The following ANGPTL5 variants were observed in gnomAD, a reference collection of about 807,000 sequenced individuals.
ANGPTL5 encodes angiopoietin like 5.
A neutral mutation model predicts 39.4 loss-of-function variants in ANGPTL5; 34 were observed. The ratio of observed to expected loss-of-function variants is 0.86; its 90% CI spans 0.66 to 1.15. The LOEUF is 1.15. ANGPTL5 is among the 50% of genes most tolerant of loss of function. ANGPTL5 has a pLI of 0.00. For synonymous variants in ANGPTL5, 146 were observed against 152.1 expected (o/e 0.96, Z 0.29); for missense variants, 467 against 457.5 (o/e 1.02, Z -0.19).
At chr11:101,892,587 A>G (rs982214141) in intron 8 of ANGPTL5, among the ~76,000 whole-genome samples, 12 of 152,198 alleles carry the variant, frequency 7.9e-5, no homozygotes, top group Admixed American at 6.6e-4. Context: ...ATGATTAAGT[A>G]TCTTGTCCAA....
At chr11:101,898,093 G>A (rs1939831426) in intron 7 of ANGPTL5, among the ~76,000 whole-genome samples, 1 of 152,016 alleles carries the variant, frequency 6.6e-6, no homozygotes, top group Admixed American at 6.6e-5. Flanking sequence ...CATGGAGGCA[G>A]GCACCTGTAA....
intron 7 of ANGPTL5, among the ~76,000 whole-genome samples, chr11:101,897,754 G>A (rs1230879992): frequency 5.3e-5 from 8 of 152,122 alleles, no homozygotes; most frequent in Admixed American, 6.5e-5. Flanking sequence ...TTTGGTTACT[G>A]TAGCCTTGTA....
intron 1 of ANGPTL5, among the ~76,000 whole-genome samples, chr11:101,914,035 G>A (rs1940139478): frequency 6.6e-6 from 1 of 152,218 alleles, no homozygotes; most frequent in African/African-American, 2.4e-5. Flanking sequence ...TGTCGCCAGT[G>A]TACATTCCAA....
chr11:101,898,712 T>C (rs1802726356), intron 7 of ANGPTL5, among the ~76,000 whole-genome samples: 1 of 152,210 alleles, frequency 6.6e-6, no homozygotes. Context: ...AGGGCATCCT[T>C]GTCTTGTGCT....
At chr11:101,902,570 AT>A (rs1294635958) in intron 6 of ANGPTL5, 50 bp downstream of exon 6, 1 of 1,249,672 alleles carries the variant, frequency 8.0e-7, no homozygotes, top group Non-Finnish European at 1.2e-6. Context: ...AATTGGTTGG[AT>A]GTTTATCTTA....
chr11:101,899,831 CCAATTAATGTAAAATTCTG>C (rs1169442339), intron 7 of ANGPTL5, among the ~76,000 whole-genome samples: 3 of 152,126 alleles, frequency 2.0e-5, no homozygotes, highest in Non-Finnish European at 4.4e-5. Flanking sequence ...GGCAGAAGTT[CCAATTAATGTAAAATTCTG>C]CAAAGTTCAG....
chr11:101,906,247 TAAA>T (rs1467475647), intron 3 of ANGPTL5, among the ~76,000 whole-genome samples: 1 of 152,174 alleles, frequency 6.6e-6, no homozygotes, highest in Non-Finnish European at 1.5e-5. Flanking sequence ...AAGTTAATTT[TAAA>T]AAGTACATCT....
chr11:101,904,715 G>T, intron 5 of ANGPTL5, 99 bp downstream of exon 5: 1 of 1,056,522 alleles, frequency 9.5e-7, no homozygotes, highest in Non-Finnish European at 1.5e-6. Context: ...ACGGTGAGCT[G>T]TAGTTTTTAA....
chr11:101,908,011 G>A lies in ANGPTL5; in HGVS notation c.-92-10C>T, dbSNP rs746880308. Reference sequence around the variant, plus strand: ...CTTCAGTTAAAAACCTCTGGAAAGCGTACAACAAAAACATAAGCCAAAACT... The same window carrying A: ...CTTCAGTTAAAAACCTCTGGAAAGCATACAACAAAAACATAAGCCAAAACT... On this transcript the variant is annotated splice_polypyrimidine_tract_variant and intron_variant, in intron 1 of 8. Coordinates refer to ENST00000334289, the MANE Select transcript of ANGPTL5 (RefSeq NM_178127.5). The A allele has an allele frequency of 7.1e-5, 61 of 864,292 alleles. No individual in the cohort carries two copies. The highest frequency in any genetic ancestry group is 1.1e-4 in the Non-Finnish European group (57 of 534,328). The allele number at this position is 864,292 out of a possible 1,614,324, so 53.5% of individuals were successfully genotyped here. A position where few individuals can be genotyped will look rare whatever the true frequency, so the allele number is the denominator to read the frequency against.
chr11:101,893,779 C>T (rs1939745422), intron 8 of ANGPTL5, among the ~76,000 whole-genome samples: 1 of 152,148 alleles, frequency 6.6e-6, no homozygotes, highest in Admixed American at 6.6e-5. Context: ...CACCTAATAT[C>T]ACAAGTGTAA....
chr11:101,907,824 T>G lies in ANGPTL5; in HGVS notation c.86A>C (p.His29Pro). 1.3e-6 allele frequency: 2 copies of G among 1,594,602 alleles called. No homozygotes were observed. The highest frequency in any genetic ancestry group is 2.7e-5 in the African/African-American group (2 of 74,644). Residue 29 changes from histidine (H) to proline (P), a missense_variant, in exon 2 of 9, where the codon CAT becomes CCT. Coordinates refer to ENST00000334289, the MANE Select transcript of ANGPTL5 (RefSeq NM_178127.5). ...CGEAVQGNCV[H>P]HSTDSSVVNI... ...TGCTAAAATTCTTACCGTAGAATGA[T>G]GTACACAGTTACCTTGTACAGCTTC...
In ANGPTL5 at chr11:101,905,800, G is replaced by GT. The variant is rs1565341776; in HGVS notation, c.288dup (p.Leu97ThrfsTer8). 5 of 1,612,116 alleles carry GT rather than the reference G, an allele frequency of 3.1e-6. No individual in the cohort carries two copies. The South Asian group carries it at 3.3e-5, about 11-fold the overall frequency. ...TGCTCATCCATCATATTCCTTAGTA[G>GT]TTTTTTGGTACTTCTTGTGTAGGAA... On this transcript the variant is annotated frameshift_variant, in exon 4 of 9. Transcript: ENST00000334289. LOFTEE classifies it high-confidence loss of function.
rs1284305108 is a variant in ANGPTL5, at chr11:101,907,123, T to C, written c.221A>G (p.Glu74Gly). The C allele has an allele frequency of 3.2e-6, 5 of 1,582,928 alleles. No individual in the cohort carries two copies. The South Asian group carries it at 5.6e-5, about 18-fold the overall frequency. The change falls in exon 3 of 9, where the codon GAA becomes GGA. Residue 74 changes from glutamate (E) to glycine (G), a missense_variant. Glu to Gly is a moderately conservative substitution (Grantham distance 98, BLOSUM62 -2). Transcript: ENST00000334289. The part of the protein sequence containing the change: ...SCDVKTKITR[E>G]EKHFMCRNLQ... Reference sequence around the variant, plus strand: ...CTTACTACACATGAAATGTTTTTCTTCTCGTGTAATTTTAGTTTTAACATC... The same window carrying C: ...CTTACTACACATGAAATGTTTTTCTCCTCGTGTAATTTTAGTTTTAACATC...
At chr11:101,897,521 T>A (rs933822241) in intron 7 of ANGPTL5, among the ~76,000 whole-genome samples, 2 of 152,224 alleles carry the variant, frequency 1.3e-5, no homozygotes, top group Non-Finnish European at 2.9e-5. Flanking sequence ...CTATCTTGAA[T>A]TAATTTTTGT....
chr11:101,898,813 C>T (rs558994795), intron 7 of ANGPTL5, among the ~76,000 whole-genome samples: 2 of 152,190 alleles, frequency 1.3e-5, no homozygotes, highest in African/African-American at 4.8e-5. Flanking sequence ...TTTTAAGATA[C>T]GTTCTATCAA....
chr11:101,891,588 G>A lies in ANGPTL5; in HGVS notation c.858C>T (p.Phe286=), dbSNP rs763486363. Residue 286 remains phenylalanine (F), a synonymous_variant, in exon 9 of 9, where the codon TTC becomes TTT. Transcript: ENST00000334289. ...GRYSGNAGDA[F]RGLKKEDNQN... is the part of the protein sequence containing the mutation. The stretch of plus-strand genomic sequence containing the variant: ...GATTATCTTCTTTTTTGAGACCCCG[G>A]AATGCATCACCTGGGAAAAAAATTT... 6.2e-7 allele frequency: 1 copy of A among 1,613,758 alleles called. No individual in the cohort carries two copies. Among genetic ancestry groups the A allele is most frequent in the South Asian group, 1.1e-5 (1 of 91,018 alleles).
chr11:101,912,695 A>C (rs573059562), intron 1 of ANGPTL5, among the ~76,000 whole-genome samples: 1 of 152,206 alleles, frequency 6.6e-6, no homozygotes, highest in Non-Finnish European at 1.5e-5. Context: ...CTGAAATAAA[A>C]TCCTAAGCCC....
Position 101,895,139 on chromosome 11 carries a change from T to G in ANGPTL5, c.662-75A>C, listed in dbSNP as rs187506676. 548 of 1,244,238 alleles carry G rather than the reference T, an allele frequency of 4.4e-4. 4 individuals carry two copies. The highest frequency in any genetic ancestry group is 2.2e-3 in the South Asian group (142 of 64,868). The allele number at this position is 1,244,238 out of a possible 1,614,324, so 77.1% of individuals were successfully genotyped here. Reference sequence around the variant, plus strand: ...ATGGTTTATTATTGAATGTTTGGTCTTGTTTAGCATTTCAAAAACTCTGAG... The same window carrying G: ...ATGGTTTATTATTGAATGTTTGGTCGTGTTTAGCATTTCAAAAACTCTGAG... On this transcript the variant is annotated intron_variant, in intron 7 of 8. Coordinates refer to ENST00000334289, the MANE Select transcript of ANGPTL5 (RefSeq NM_178127.5).
chr11:101,895,096 T>G (rs1032481056), intron 7 of ANGPTL5, 32 bp from the exon 8 acceptor site: 1 of 1,403,644 alleles, frequency 7.1e-7, no homozygotes, highest in Non-Finnish European at 9.8e-7. Flanking sequence ...TTAATATATT[T>G]TAATACAAAT....
Sources: gnomAD v4.1 joint callset for allele counts (sites outside exome capture counted in the v4.1 genomes callset) on GRCh38, gnomAD v4.1.1 for gene constraint, MANE v1.5 for transcripts, NCBI Gene and HGNC (gene_info 2026-07-23, HGNC 2026-07-21) for gene names.